Variants in APC observed in about 807,000 individuals in gnomAD.
APC encodes the protein adenomatous polyposis coli protein.
APC carries 72 observed loss-of-function variants against 247.0 expected under a neutral mutation model. The ratio of observed to expected loss-of-function variants is 0.29; its 90% CI spans 0.24 to 0.35. APC has a LOEUF of 0.35. Among genes scored for constraint, APC ranks in the 10% least tolerant of loss-of-function variants. The probability of loss-of-function intolerance (pLI) is 1.00; values close to 1 mark genes in which losing one functional copy is unlikely to be tolerated. For missense variants in APC, 3,400 were observed against 3,360.7 expected (o/e 1.01, Z -0.29); for synonymous variants, 1,254 against 1,162.5 (o/e 1.08, Z -1.60).
At chr5:112,819,712 C>G (rs1051588315) in intron 10 of APC, among the ~76,000 whole-genome samples, 9 of 152,162 alleles carry the variant, frequency 5.9e-5, no homozygotes, top group African/African-American at 2.2e-4. Flanking sequence ...CCATTAGTGT[C>G]CAAACCATAA....
intron 1 of APC, chr5:112,707,988 C>T (rs1465609137): frequency 1.7e-6 from 2 of 1,162,220 alleles, no homozygotes; most frequent in South Asian, 1.6e-5. Flanking sequence ...CTGTGGCTCT[C>T]TTCTCTCCAT....
chr5:112,832,740 A>T (rs997965976), intron 14 of APC, among the ~76,000 whole-genome samples: 1 of 152,196 alleles, frequency 6.6e-6, no homozygotes, highest in East Asian at 1.9e-4. Context: ...TAATCCTCCT[A>T]AAGAGCTGTT....
In APC at chr5:112,707,831, G is replaced by T. The variant is rs761467156; in HGVS notation, c.114G>T (p.Thr38=). 3.6e-6 allele frequency: 5 copies of T among 1,370,426 alleles called. No individual in the cohort carries two copies. In the African/African-American group the frequency reaches 7.2e-5, roughly 20 times the overall value. 84.9% of individuals were successfully genotyped at this position (1,370,426 alleles called of 1,614,324 possible). A position where few individuals can be genotyped will look rare whatever the true frequency, so the allele number is the denominator to read the frequency against. ...GCAGGAGCTGCGTCCGGCAGGAGAC[G>T]AAGAGCCCGGGCGGCGCTCGTACTT... is the stretch of plus-strand genomic sequence containing the variant. The change falls in exon 1 of 14, where the codon ACG becomes ACT. Residue 38 remains threonine, a synonymous_variant. Transcript: ENST00000507379.
In APC at chr5:112,843,748, G is replaced by T. The variant is rs1459209015; in HGVS notation, c.8154G>T (p.Leu2718Phe). ...GTGTTCCCATGCGTACCGTGGGTTT[G>T]GAAAATCGCCTGAACTCCTTTATTC... ...NGSVPMRTVG[L>F]ENRLNSFIQV... The change falls in exon 16 of 16, where the codon TTG (leucine) becomes TTT (phenylalanine). Residue 2718 changes from leucine to phenylalanine, a missense_variant. Transcript: ENST00000257430. This position sits in a 1 kb window ranked among gnomAD's most constrained non-coding sequence, Gnocchi z 4.8. 1.1e-5 allele frequency: 17 copies of T among 1,613,914 alleles called. No individual in the cohort carries two copies. Among genetic ancestry groups the T allele is most frequent in the Non-Finnish European group, 1.4e-5 (17 of 1,179,946 alleles).
intron 5 of APC, among the ~76,000 whole-genome samples, chr5:112,778,683 A>T (rs1434622695): frequency 9.8e-6 from 1 of 102,364 alleles, no homozygotes; most frequent in Non-Finnish European, 2.1e-5. Flanking sequence ...AGTAGCTGGG[A>T]CTACAGCATG....
chr5:112,724,845 G>T (rs578262173), intron 1 of APC, among the ~76,000 whole-genome samples: 1 of 152,306 alleles, frequency 6.6e-6, no homozygotes, highest in South Asian at 2.1e-4. Context: ...GGAGTGTGAA[G>T]AGCCAAGGCC....
In APC at chr5:112,838,393, C is replaced by T. The variant is rs1580627216; in HGVS notation, c.2799C>T (p.Asn933=). Residue 933 remains asparagine, a synonymous_variant, in exon 16 of 16, where the codon AAC becomes AAT. Transcript: ENST00000257430. ...GCTCTGCTGCCCATACACATTCAAA[C>T]ACTTACAATTTCACTAAGTCGGAAA... ...RRSSAAHTHS[N]TYNFTKSENS... The T allele has an allele frequency of 1.2e-6, 2 of 1,614,156 alleles. No homozygotes were observed. The highest frequency in any genetic ancestry group is 1.7e-6 in the Non-Finnish European group (2 of 1,180,026).
intron 7 of APC, among the ~76,000 whole-genome samples, chr5:112,796,497 A>G (rs1473503454): frequency 1.3e-5 from 2 of 152,228 alleles, no homozygotes; most frequent in African/African-American, 2.4e-5. Flanking sequence ...TGTGATAGTC[A>G]TAATCCTAAA....
At chr5:112,795,775 T>A (rs1760152913) in intron 7 of APC, among the ~76,000 whole-genome samples, 1 of 152,216 alleles carries the variant, frequency 6.6e-6, no homozygotes, top group South Asian at 2.1e-4. Flanking sequence ...TTCTGGAACC[T>A]ATTAAAGGAT....
At chr5:112,794,996 A>G (rs1036428836) in intron 7 of APC, among the ~76,000 whole-genome samples, 43 of 152,188 alleles carry the variant, frequency 2.8e-4, no homozygotes, top group Non-Finnish European at 5.9e-5. Context: ...AGTGGAATCT[A>G]GGCATGTCAC....
At chr5:112,826,570 AGAT>A (rs1177192213) in intron 11 of APC, among the ~76,000 whole-genome samples, 1 of 148,672 alleles carries the variant, frequency 6.7e-6, no homozygotes, top group South Asian at 2.1e-4. Context: ...TAAATTGAAC[AGAT>A]GATCATTTTT....
intron 3 of APC, among the ~76,000 whole-genome samples, chr5:112,766,765 T>G (rs182959940): frequency 1.3e-5 from 2 of 152,340 alleles, no homozygotes. Context: ...AAGTATTGTC[T>G]TCTTCATTCA....
chr5:112,709,698 TC>T (rs1204028878), intron 1 of APC, among the ~76,000 whole-genome samples: 1 of 152,042 alleles, frequency 6.6e-6, no homozygotes, highest in Non-Finnish European at 1.5e-5. Context: ...GTCCAGGAGT[TC>T]GAGACCAGCC....
intron 1 of APC, among the ~76,000 whole-genome samples, chr5:112,731,869 C>A (rs1752117653): frequency 6.6e-6 from 1 of 152,158 alleles, no homozygotes; most frequent in Non-Finnish European, 1.5e-5. Flanking sequence ...TCAAGTGATT[C>A]TTGTGCCTCA....
intron 6 of APC, among the ~76,000 whole-genome samples, chr5:112,790,248 G>A (rs1338829215): frequency 1.3e-5 from 2 of 151,912 alleles, no homozygotes; most frequent in African/African-American, 4.8e-5. Flanking sequence ...AAGAAAAGAG[G>A]GAGAAAATTA....
intron 4 of APC, among the ~76,000 whole-genome samples, chr5:112,768,291 T>C (rs1325213732): frequency 2.6e-5 from 4 of 151,286 alleles, no homozygotes; most frequent in Non-Finnish European, 4.4e-5. Context: ...GATTCCCCCC[T>C]GCCTCGGCCT....
rs529800799 is a variant in APC at position 112,837,185 on chromosome 5, T to C, written c.1959-368T>C. ...TCAATATCAGAGTGGCACCCAACCA[T>C]AGATTAAATTACCACAAAGTTCCTA... On this transcript the variant is annotated intron_variant, in intron 15 of 15. Transcript: ENST00000257430. Among the ~76,000 whole-genome samples, 5 of 152,312 alleles carry C rather than the reference T, an allele frequency of 3.3e-5. No homozygotes were observed. In the East Asian group the frequency reaches 7.7e-4, roughly 23 times the overall value.
In APC at chr5:112,835,292, A is replaced by G. The variant is rs947169946; in HGVS notation, c.1958+127A>G. Reference sequence around the variant, plus strand: ...AAAATATATTTATTACTGTGAAAAGATAACTACTAACTCTTAGTTTAACTC... The same window carrying G: ...AAAATATATTTATTACTGTGAAAAGGTAACTACTAACTCTTAGTTTAACTC... On this transcript the variant is annotated intron_variant, in intron 15 of 15. Coordinates refer to ENST00000257430, the MANE Select transcript of APC (RefSeq NM_000038.6). 8.5e-6 allele frequency: 7 copies of G among 823,282 alleles called. No homozygotes were observed. The Admixed American group carries it at 8.6e-5, about 10-fold the overall frequency. 51.0% of individuals were successfully genotyped at this position (823,282 alleles called of 1,614,324 possible). A position where few individuals can be genotyped will look rare whatever the true frequency, so the allele number is the denominator to read the frequency against.
Position 112,707,978 on chromosome 5 carries a change from C to T in APC, c.165+96C>T, listed in dbSNP as rs1302501192. 1.7e-6 allele frequency: 2 copies of T among 1,195,852 alleles called. 1 individual carries two copies. The highest frequency in any genetic ancestry group is 3.1e-5 in the South Asian group (2 of 64,328). 74.1% of individuals were successfully genotyped at this position (1,195,852 alleles called of 1,614,324 possible). A position where few individuals can be genotyped will look rare whatever the true frequency, so the allele number is the denominator to read the frequency against. On this transcript the variant is annotated intron_variant, in intron 1 of 13. Transcript: ENST00000507379. The stretch of plus-strand genomic sequence containing the variant: ...GGACCCTACGGTGCTCGGCCCGACT[C>T]TGTGGCTCTCTTCTCTCCATGTCTC...
Sources: allele counts gnomAD v4.1 joint callset (sites outside exome capture counted in the v4.1 genomes callset), GRCh38; gene constraint gnomAD v4.1.1; non-coding constraint Gnocchi (gnomAD v3.1); transcripts MANE v1.5; gene names NCBI Gene and HGNC (gene_info 2026-07-23, HGNC 2026-07-21).